DNAAF19: variants seen among roughly 807,000 people sequenced by gnomAD.
The protein encoded by DNAAF19 is coiled-coil domain containing 103.
chr17:44,901,810 A>C, the DNAAF19 span, among the ~76,000 whole-genome samples: 3 of 152,038 alleles, frequency 2.0e-5, no homozygotes, highest in East Asian at 5.8e-4. Flanking sequence ...TCTGCCTCCA[A>C]TCCCAGAAAG....
the DNAAF19 span, chr17:44,905,361 G>C: frequency 2.4e-6 from 1 of 418,016 alleles, no homozygotes; most frequent in East Asian, 4.8e-5. Flanking sequence ...GATTTATCCA[G>C]TGGTAAACAC....
At chr17:44,902,238 C>A in the DNAAF19 span, 1 of 1,318,568 alleles carries the variant, frequency 7.6e-7, no homozygotes, top group Non-Finnish European at 1.1e-6. Context: ...AGGACCACAG[C>A]TTTCCCAGTG....
At chr17:44,901,617 A>G in the DNAAF19 span, 1 of 1,614,184 alleles carries the variant, frequency 6.2e-7, no homozygotes. Context: ...TATTCAGGGA[A>G]GGACCTTCCA....
chr17:44,904,759 A>G, the DNAAF19 span: 1 of 1,550,620 alleles, frequency 6.4e-7, no homozygotes, highest in Non-Finnish European at 8.7e-7. Flanking sequence ...TCTACCGCAC[A>G]CAGTACCTGA....
chr17:44,903,732 C>T, the DNAAF19 span: 2 of 1,451,488 alleles, frequency 1.4e-6, no homozygotes, highest in Non-Finnish European at 1.8e-6. Flanking sequence ...ATCCTTTCCT[C>T]ATCTAGAGGC....
the DNAAF19 span, chr17:44,905,379 T>C: frequency 3.2e-6 from 1 of 309,134 alleles, no homozygotes; most frequent in Non-Finnish European, 6.4e-6. Context: ...CACTGATCAG[T>C]GTTGAATCAT....
the DNAAF19 span, chr17:44,905,093 A>T: frequency 6.7e-7 from 1 of 1,494,342 alleles, no homozygotes; most frequent in Non-Finnish European, 9.0e-7. Context: ...AGCTCTGAAG[A>T]CCAGTTGTCC....
At chr17:44,904,419 G>A in the DNAAF19 span, 5 of 1,542,238 alleles carry the variant, frequency 3.2e-6, no homozygotes, top group African/African-American at 1.4e-5. Flanking sequence ...TACCTGCAGA[G>A]CCCAGACCTC....
At chr17:44,904,599 T>G in the DNAAF19 span, 1 of 1,550,548 alleles carries the variant, frequency 6.4e-7, no homozygotes, top group Non-Finnish European at 8.7e-7. Flanking sequence ...CTGGCCATCA[T>G]TAACTATGTG....
the DNAAF19 span, chr17:44,901,631 T>C: frequency 6.2e-7 from 1 of 1,614,198 alleles, no homozygotes; most frequent in Non-Finnish European, 8.5e-7. Flanking sequence ...CCTTCCAGGA[T>C]GTGGCCACTG....
chr17:44,902,924 T>C, the DNAAF19 span: 8 of 1,434,996 alleles, frequency 5.6e-6, no homozygotes, highest in Admixed American at 2.9e-5. Flanking sequence ...CCTGGTTCCC[T>C]TCTCAACTTG....
chr17:44,901,460 G>T, the DNAAF19 span: 33 of 1,593,476 alleles, frequency 2.1e-5, no homozygotes, highest in Non-Finnish European at 2.7e-5. Flanking sequence ...AAGTCTAGCT[G>T]CCTCACACCC....
chr17:44,904,672 G>A, the DNAAF19 span: 34 of 1,550,432 alleles, frequency 2.2e-5, no homozygotes, highest in African/African-American at 4.1e-5. Flanking sequence ...AGCAGAGACT[G>A]GGCCATGGAC....
At chr17:44,900,174 G>C in the DNAAF19 span, among the ~76,000 whole-genome samples, 1 of 152,026 alleles carries the variant, frequency 6.6e-6, no homozygotes, top group African/African-American at 2.4e-5. Context: ...TTGGGAGGCC[G>C]AGGCGCGCGG....
the DNAAF19 span, chr17:44,901,456 A>G: frequency 7.0e-6 from 11 of 1,578,100 alleles, no homozygotes; most frequent in Non-Finnish European, 8.7e-7. Context: ...TGCAAAGTCT[A>G]GCTGCCTCAC....
the DNAAF19 span, chr17:44,901,427 A>G: frequency 7.1e-7 from 1 of 1,414,246 alleles, no homozygotes; most frequent in Non-Finnish European, 9.8e-7. Flanking sequence ...TTGGTCCGTA[A>G]CAGGTTTATC....
chr17:44,903,379 G>A, the DNAAF19 span: 3 of 1,247,862 alleles, frequency 2.4e-6, no homozygotes, highest in South Asian at 3.8e-5. Flanking sequence ...CCAGCCTCCC[G>A]GATGGCCAGA....
the DNAAF19 span, chr17:44,901,786 A>G: frequency 3.7e-6 from 4 of 1,076,348 alleles, no homozygotes; most frequent in Non-Finnish European, 3.9e-6. Flanking sequence ...ATGTTAAACC[A>G]ACAGAGATAG....
the DNAAF19 span, chr17:44,899,944 C>A: frequency 1.3e-5 from 2 of 152,234 alleles, no homozygotes; most frequent in African/African-American, 2.4e-5. Context: ...CCCTTCTTGG[C>A]GTTCAGATTC....
Sources: gnomAD v4.1 joint callset for allele counts (sites outside exome capture counted in the v4.1 genomes callset) on GRCh38, gnomAD v4.1.1 for gene constraint, MANE v1.5 for transcripts, NCBI Gene and HGNC (gene_info 2026-07-23, HGNC 2026-07-21) for gene names.